The following TFR2 variants were observed in gnomAD, a reference collection of about 807,000 sequenced individuals.
TFR2 encodes transferrin receptor 2, also known as transferrin receptor protein 2.
A neutral mutation model predicts 91.9 loss-of-function variants in TFR2; 64 were observed. The observed-to-expected ratio is 0.70, with a 90% CI of 0.57 to 0.86. The LOEUF (loss-of-function observed/expected upper bound fraction) is 0.86, where lower values mean the gene tolerates loss of function less well. Among genes scored for constraint, TFR2 ranks in the 40% least tolerant of loss-of-function variants. The pLI, the probability that TFR2 is intolerant of heterozygous loss-of-function variation, is 0.00. For missense variants in TFR2, 950 were observed against 1,080.5 expected, an observed-to-expected ratio of 0.88 and a Z score of 1.69; for synonymous variants, 454 against 459.6, an observed-to-expected ratio of 0.99 and a Z score of 0.15.
At chr7:100,627,099 C>T (rs1011971877) in intron 16 of TFR2, among the ~76,000 whole-genome samples, 165 bp downstream of exon 16, 2 of 151,838 alleles carry the variant, frequency 1.3e-5, no homozygotes, top group African/African-American at 4.8e-5. Context: ...CCAGGTTGGG[C>T]GATGGCACAT....
chr7:100,624,105 C>T (rs1006369737), intron 17 of TFR2, among the ~76,000 whole-genome samples: 6 of 151,974 alleles, frequency 3.9e-5, no homozygotes, highest in Non-Finnish European at 8.8e-5. Context: ...CCTTTGCTCA[C>T]ATCACCTCTC....
chr7:100,633,510 C>T lies in TFR2; in HGVS notation c.520G>A (p.Ala174Thr). 4 of 1,609,358 alleles carry T rather than the reference C, an allele frequency of 2.5e-6. No individual in the cohort carries two copies. Among genetic ancestry groups the T allele is most frequent in the Non-Finnish European group, 3.4e-6 (4 of 1,179,788 alleles). Reference sequence around the variant, plus strand: ...GCCGCGCGAATGTCCTGAGTCAGAGCGGCCATCCCGGCCGAGCCTGCCACC... The same window carrying T: ...GCCGCGCGAATGTCCTGAGTCAGAGTGGCCATCCCGGCCGAGCCTGCCACC... ...ERVAGSAGMA[A>T]LTQDIRAALS... The change falls in exon 4 of 18, where the codon GCT becomes ACT. Residue 174 changes from alanine (A) to threonine (T), a missense_variant. Ala to Thr is a moderately conservative substitution (Grantham distance 58, BLOSUM62 0). Transcript: ENST00000223051.
intron 8 of TFR2, chr7:100,631,581 AC>A: frequency 2.2e-6 from 1 of 446,248 alleles, no homozygotes; most frequent in Non-Finnish European, 4.0e-6. Context: ...CCAAGATTGC[AC>A]CACTGCACTC....
intron 3 of TFR2, among the ~76,000 whole-genome samples, chr7:100,633,918 G>T (rs1803522550): frequency 6.6e-6 from 1 of 151,864 alleles, no homozygotes; most frequent in South Asian, 2.1e-4. Context: ...ATGTTGACCA[G>T]GTTGGTCTCA....
In TFR2 at chr7:100,620,881, G is replaced by A. The variant is rs754723009; in HGVS notation, c.2382C>T (p.Val794=). 6.8e-6 allele frequency: 11 copies of A among 1,613,982 alleles called. No individual in the cohort carries two copies. In the South Asian group the frequency reaches 1.2e-4, roughly 18 times the overall value. Residue 794 remains valine, a synonymous_variant, in exon 18 of 18, where the codon GTC becomes GTT. Coordinates refer to ENST00000223051, the MANE Select transcript of TFR2 (RefSeq NM_003227.4). The part of the protein sequence containing the change: ...QGAANALSGD[V]WNIDNNF ...CTCAGAAGTTGTTATCAATGTTCCA[G>A]ACATCCCCGCTAAGCGCATTGGCTG...
chr7:100,626,568 C>G, intron 17 of TFR2, 195 bp downstream of exon 17: 1 of 1,415,396 alleles, frequency 7.1e-7, no homozygotes, highest in Non-Finnish European at 9.2e-7. Flanking sequence ...CATTTCATCA[C>G]TTTGATCGCT....
chr7:100,622,383 G>A (rs1205398754), intron 17 of TFR2, among the ~76,000 whole-genome samples: 3 of 152,086 alleles, frequency 2.0e-5, no homozygotes, highest in Non-Finnish European at 2.9e-5. Context: ...TATCAGTACC[G>A]ATCTCTTCCC....
At chr7:100,634,841 T>G (rs961571056) in intron 3 of TFR2, among the ~76,000 whole-genome samples, 2 of 152,258 alleles carry the variant, frequency 1.3e-5, no homozygotes, top group Non-Finnish European at 2.9e-5. Flanking sequence ...CAGTTTAGAC[T>G]CGTCAGTTCC....
chr7:100,636,780 C>G (rs966275438), intron 3 of TFR2, among the ~76,000 whole-genome samples: 2 of 151,882 alleles, frequency 1.3e-5, no homozygotes, highest in African/African-American at 4.8e-5. Context: ...TCCATCCCAC[C>G]GAGAGCCATG....
rs561519592 is a variant in TFR2 at position 100,631,110 on chromosome 7, T to C, written c.1107-58A>G. On this transcript the variant is annotated intron_variant, in intron 8 of 17. Coordinates refer to ENST00000223051, the MANE Select transcript of TFR2 (RefSeq NM_003227.4). ...GTAGAGAGACCCAGAAGAGTCCAAATCACTCTTTTCCTTATTTCTTTCCCT... is the reference window on the plus strand; with the variant it reads ...GTAGAGAGACCCAGAAGAGTCCAAACCACTCTTTTCCTTATTTCTTTCCCT... 9 of 1,444,582 alleles carry C rather than the reference T, an allele frequency of 6.2e-6. No individual in the cohort carries two copies. In the African/African-American group the frequency reaches 7.2e-5, roughly 11 times the overall value. The allele number at this position is 1,444,582 out of a possible 1,614,324, so 89.5% of individuals were successfully genotyped here.
intron 3 of TFR2, among the ~76,000 whole-genome samples, chr7:100,635,906 T>G (rs992603165): frequency 6.6e-6 from 1 of 152,234 alleles, no homozygotes; most frequent in African/African-American, 2.4e-5. Flanking sequence ...CCTCACATCC[T>G]TTGCTTTTCT....
rs372218209 is a variant in TFR2 at position 100,640,658 on chromosome 7, G to C, written c.473+28C>G. ...AGCGGATGAGGGGAGGGACACTCGA[G>C]AACAGGATGGGGCAGGGCCATCCCT... is the stretch of plus-strand genomic sequence containing the variant. On this transcript the variant is annotated intron_variant, in intron 3 of 17. Transcript: ENST00000223051. The C allele has an allele frequency of 3.5e-4, 564 of 1,607,546 alleles. 1 individual carries two copies. The highest frequency in any genetic ancestry group is 2.0e-4 in the Admixed American group (12 of 59,874).
chr7:100,638,172 T>A (rs1242604991), intron 3 of TFR2, among the ~76,000 whole-genome samples: 1 of 151,930 alleles, frequency 6.6e-6, no homozygotes, highest in Non-Finnish European at 1.5e-5. Context: ...CCCAGCTAAT[T>A]TTTTGTGTTT....
rs2131320612 is a variant in TFR2, at chr7:100,633,360, A to G, written c.615-20T>C. The G allele has an allele frequency of 6.2e-7, 1 of 1,608,406 alleles. No homozygotes were observed. Among genetic ancestry groups the G allele is most frequent in the Non-Finnish European group, 8.5e-7 (1 of 1,177,538 alleles). ...TGAGCCCTGGGGAGCGGGGCTGGTGAGCGCCCCGAGCCGCGTCCCCCTCCC... is the reference window on the plus strand; with the variant it reads ...TGAGCCCTGGGGAGCGGGGCTGGTGGGCGCCCCGAGCCGCGTCCCCCTCCC... On this transcript the variant is annotated intron_variant, in intron 4 of 17. Transcript: ENST00000223051.
intron 3 of TFR2, 28 bp from the exon 4 acceptor site, chr7:100,633,584 T>A: frequency 1.3e-6 from 2 of 1,585,306 alleles, no homozygotes; most frequent in Non-Finnish European, 1.7e-6. Context: ...GGGACTTTTC[T>A]GGGCGCCCGG....
chr7:100,637,291 C>T (rs1325857176), intron 3 of TFR2, among the ~76,000 whole-genome samples: 1 of 151,882 alleles, frequency 6.6e-6, no homozygotes, highest in Non-Finnish European at 1.5e-5. Flanking sequence ...CCCAGCTACT[C>T]GGGGAGCTGA....
At chr7:100,632,891 C>G in intron 6 of TFR2, 110 bp downstream of exon 6, 1 of 1,581,412 alleles carries the variant, frequency 6.3e-7, no homozygotes, top group Non-Finnish European at 8.7e-7. Flanking sequence ...TACCATCCAG[C>G]CACATGGTTC....
At position 100,627,501 on chromosome 7, in the gene TFR2, C is replaced by G; in HGVS notation, c.1768-10G>C. On this transcript the variant is annotated splice_polypyrimidine_tract_variant and intron_variant, in intron 15 of 17. Coordinates refer to ENST00000223051, the MANE Select transcript of TFR2 (RefSeq NM_003227.4). ...GGTAGGCCTGGTCGTCCTGCCAGGA[C>G]AGGGTGGACGCTGGGGCGGAGGCAG... 1 of 1,613,044 alleles carries G rather than the reference C, an allele frequency of 6.2e-7. No individual in the cohort carries two copies. Among genetic ancestry groups the G allele is most frequent in the Non-Finnish European group, 8.5e-7 (1 of 1,179,518 alleles).
At chr7:100,640,019 A>T (rs188869880) in intron 3 of TFR2, 1 of 152,104 alleles carries the variant, frequency 6.6e-6, no homozygotes, top group East Asian at 1.9e-4. Flanking sequence ...ATCCTGACCT[A>T]GTGATCTGCC....
Sources: gnomAD v4.1 joint callset for allele counts (sites outside exome capture counted in the v4.1 genomes callset) on GRCh38, gnomAD v4.1.1 for gene constraint, MANE v1.5 for transcripts, NCBI Gene and HGNC (gene_info 2026-07-23, HGNC 2026-07-21) for gene names.